The following SOX5 variants were observed in gnomAD, a reference collection of about 807,000 sequenced individuals.
SOX5 encodes transcription factor SOX-5.
Under a neutral mutation model 92.0 loss-of-function variants are expected in SOX5, and 9 were observed. That is an observed-to-expected ratio of 0.10 (90% CI 0.06 to 0.17). The LOEUF (loss-of-function observed/expected upper bound fraction) is 0.17. Ranked by LOEUF, SOX5 falls within the 10% of genes least tolerant of loss-of-function variation. The pLI, the probability that SOX5 is intolerant of heterozygous loss-of-function variation, is 1.00. For missense variants in SOX5, 642 were observed against 944.5 expected, an observed-to-expected ratio of 0.68 and a Z score of 4.20; for synonymous variants, 344 against 336.3, an observed-to-expected ratio of 1.02 and a Z score of -0.25.
At chr12:24,498,607 C>T (rs1410395965) in intron 1 of SOX5, among the ~76,000 whole-genome samples, 1 of 152,178 alleles carries the variant, frequency 6.6e-6, no homozygotes, top group Non-Finnish European at 1.5e-5. Context: ...ATACTGACTG[C>T]CTCCTATCTG....
intron 1 of SOX5, 86 bp from the exon 2 acceptor site, chr12:23,896,110 A>G (rs1002962901): frequency 6.6e-6 from 6 of 906,602 alleles, no homozygotes; most frequent in Non-Finnish European, 1.1e-5. Flanking sequence ...CCATTGTAAC[A>G]GAAATGCCTT....
At chr12:24,191,565 G>A (rs1011425256) in intron 4 of SOX5, among the ~76,000 whole-genome samples, 4 of 152,170 alleles carry the variant, frequency 2.6e-5, no homozygotes, top group African/African-American at 4.8e-5. Context: ...GACCAGATAC[G>A]TTCCTACAGA....
intron 3 of SOX5, among the ~76,000 whole-genome samples, chr12:23,804,939 A>T (rs1190285788): frequency 2.2e-5 from 1 of 45,192 alleles, no homozygotes; most frequent in Non-Finnish European, 3.9e-5. Context: ...ATATATATAT[A>T]TATATATATA....
chr12:24,228,672 G>A (rs1003295286), intron 3 of SOX5, among the ~76,000 whole-genome samples: 1 of 151,874 alleles, frequency 6.6e-6, no homozygotes, highest in East Asian at 1.9e-4. Flanking sequence ...GTGTGTGTGC[G>A]TGTGTGTGTC....
At chr12:23,776,616 C>T (rs2095109695) in intron 3 of SOX5, among the ~76,000 whole-genome samples, 1 of 151,962 alleles carries the variant, frequency 6.6e-6, no homozygotes, top group Non-Finnish European at 1.5e-5. Flanking sequence ...TCGTGGAAGA[C>T]ATTTTTTTTT....
intron 2 of SOX5, among the ~76,000 whole-genome samples, chr12:24,279,845 T>A (rs12582994): frequency 0.13 from 19,157 of 152,190 alleles, 1,460 homozygotes; most frequent in Non-Finnish European, 0.17. Context: ...CTGAAATTTG[T>A]TTTCTGACCC....
chr12:23,844,189 C>G (rs1408104841), intron 3 of SOX5, among the ~76,000 whole-genome samples: 1 of 152,198 alleles, frequency 6.6e-6, no homozygotes, highest in Non-Finnish European at 1.5e-5. Flanking sequence ...GATTGCGTGG[C>G]TGACTGGGAG....
intron 1 of SOX5, among the ~76,000 whole-genome samples, chr12:24,467,992 A>G (rs1260811535): frequency 1.3e-5 from 2 of 152,178 alleles, no homozygotes; most frequent in Non-Finnish European, 2.9e-5. Context: ...CCAAGATAAC[A>G]TAATTAGAAT....
chr12:24,077,580 A>C (rs1942782431), intron 4 of SOX5, among the ~76,000 whole-genome samples: 1 of 151,800 alleles, frequency 6.6e-6, no homozygotes, highest in African/African-American at 2.4e-5. Context: ...GCCAAGATAG[A>C]AATTTCAGTC....
At chr12:23,595,112 T>C (rs1952160515) in intron 9 of SOX5, among the ~76,000 whole-genome samples, 1 of 152,208 alleles carries the variant, frequency 6.6e-6, no homozygotes, top group Non-Finnish European at 1.5e-5. Context: ...TTTACAGCTG[T>C]AGTTCTACTG....
At chr12:24,435,330 A>G (rs184216267) in intron 1 of SOX5, among the ~76,000 whole-genome samples, 7 of 152,144 alleles carry the variant, frequency 4.6e-5, no homozygotes, top group Non-Finnish European at 7.4e-5. Context: ...CTGTAGTGTC[A>G]CTCTCTACAC....
At chr12:24,243,020 C>T (rs1937783862) in intron 3 of SOX5, among the ~76,000 whole-genome samples, 1 of 152,034 alleles carries the variant, frequency 6.6e-6, no homozygotes, top group South Asian at 2.1e-4. Flanking sequence ...TGTCTTTATA[C>T]ATAGCAAGAG....
intron 3 of SOX5, among the ~76,000 whole-genome samples, chr12:23,806,427 T>C (rs966121632): frequency 3.9e-5 from 6 of 152,252 alleles, no homozygotes; most frequent in African/African-American, 9.6e-5. Context: ...TAACAGGTGG[T>C]AGAGACATGT....
chr12:23,851,707 A>G (rs1319488627), intron 2 of SOX5, among the ~76,000 whole-genome samples: 1 of 152,012 alleles, frequency 6.6e-6, no homozygotes, highest in African/African-American at 2.4e-5. Flanking sequence ...TGTTTGGGCT[A>G]TTTCAGTAGT....
intron 2 of SOX5, among the ~76,000 whole-genome samples, chr12:24,317,844 A>G (rs544709445): frequency 6.6e-6 from 1 of 152,210 alleles, no homozygotes; most frequent in African/African-American, 2.4e-5. Context: ...CTTTTCATTC[A>G]ATATAATCTG....
intron 3 of SOX5, among the ~76,000 whole-genome samples, chr12:23,805,462 T>A (rs548415301): frequency 6.6e-6 from 1 of 152,168 alleles, no homozygotes; most frequent in South Asian, 2.1e-4. Context: ...ATAAATGTTA[T>A]CTACTGTTAT....
chr12:23,726,788 G>C (rs1458487552), intron 6 of SOX5, among the ~76,000 whole-genome samples: 5 of 152,098 alleles, frequency 3.3e-5, no homozygotes, highest in African/African-American at 9.7e-5. Context: ...TTCCAGAATG[G>C]CCATATTTAC....
intron 2 of SOX5, among the ~76,000 whole-genome samples, chr12:23,890,800 CA>C (rs1329781569): frequency 6.7e-6 from 1 of 149,090 alleles, no homozygotes; most frequent in African/African-American, 2.5e-5. Flanking sequence ...CAACAGCCTC[CA>C]AAGTCAAGTT....
intron 4 of SOX5, among the ~76,000 whole-genome samples, chr12:24,128,531 G>T (rs1407895172): frequency 6.6e-6 from 1 of 152,192 alleles, no homozygotes; most frequent in Non-Finnish European, 1.5e-5. Context: ...TTGATATTTT[G>T]GCTGAGACCT....
Sources: allele counts gnomAD v4.1 joint callset (sites outside exome capture counted in the v4.1 genomes callset), GRCh38; gene constraint gnomAD v4.1.1; transcripts MANE v1.5; gene names NCBI Gene and HGNC (gene_info 2026-07-23, HGNC 2026-07-21).